Variants in ENOX2 observed in about 807,000 individuals in gnomAD.
The protein encoded by ENOX2 is APK1 antigen.
Under a neutral mutation model 45.0 loss-of-function variants are expected in ENOX2, and 36 were observed. The ratio of observed to expected loss-of-function variants is 0.80; its 90% CI spans 0.61 to 1.06. The LOEUF (loss-of-function observed/expected upper bound fraction) is 1.06, where lower values mean the gene tolerates loss of function less well. ENOX2 is among the 50% of genes least tolerant of loss of function. The pLI is 0.00. For synonymous variants in ENOX2, 174 were observed against 152.3 expected (o/e 1.14, Z -1.05); for missense variants, 423 against 462.5 (o/e 0.91, Z 0.78).
rs1337240069 is a variant in ENOX2, at chrX:130,740,286, A to C, written c.-38-37032T>G. ...CAAGGTGACGCACACCTGTAATCCC[A>C]GCTACTCGGGAGGCTGAGGCACAAG... On this transcript the variant is annotated intron_variant, in intron 3 of 14. Transcript: ENST00000394363. Among the ~76,000 whole-genome samples the C allele has an allele frequency of 2.7e-5, 3 of 110,800 alleles. No individual in the cohort carries two copies. The East Asian group carries it at 8.5e-4, about 31-fold the overall frequency.
At chrX:130,647,228 T>A (rs1279626843) in intron 10 of ENOX2, among the ~76,000 whole-genome samples, 2 of 112,555 alleles carry the variant, frequency 1.8e-5, no homozygotes, top group Non-Finnish European at 3.8e-5. Context: ...AGAGGCAACT[T>A]CTTCTGTTCT....
chrX:130,839,383 G>A (rs1207206035), intron 2 of ENOX2, among the ~76,000 whole-genome samples: 1 of 111,300 alleles, frequency 9.0e-6, no homozygotes, highest in African/African-American at 3.3e-5. Context: ...TATCTCTTCT[G>A]GGTCCAATAA....
intron 10 of ENOX2, among the ~76,000 whole-genome samples, chrX:130,649,409 C>T (rs2036341285): frequency 9.0e-6 from 1 of 110,691 alleles, no homozygotes; most frequent in South Asian, 3.8e-4. Flanking sequence ...AATTCAACTC[C>T]TTGAACATGG....
At chrX:130,688,692 G>A (rs1316007569) in intron 5 of ENOX2, among the ~76,000 whole-genome samples, 171 bp downstream of exon 5, 1 of 111,963 alleles carries the variant, frequency 8.9e-6, no homozygotes, top group East Asian at 2.8e-4. Context: ...ACTGTTGTGT[G>A]CATAAAATTC....
intron 2 of ENOX2, among the ~76,000 whole-genome samples, chrX:130,832,184 G>T (rs2077844795): frequency 9.0e-6 from 1 of 110,837 alleles, no homozygotes; most frequent in African/African-American, 3.3e-5. Flanking sequence ...TGCTTGGACA[G>T]AAAGAGAGAC....
intron 2 of ENOX2, among the ~76,000 whole-genome samples, chrX:130,832,440 T>TACAC (rs61623401): frequency 0.26 from 23,176 of 90,868 alleles, 3,486 homozygotes; most frequent in African/African-American, 0.54. Flanking sequence ...CACACACACA[T>TACAC]ACACACACAC....
At chrX:130,738,854 C>T (rs1413508592) in intron 3 of ENOX2, among the ~76,000 whole-genome samples, 1 of 111,853 alleles carries the variant, frequency 8.9e-6, no homozygotes, top group Non-Finnish European at 1.9e-5. Context: ...CACAAAAGGC[C>T]CCAACTGTGC....
At chrX:130,721,977 T>A (rs2038489657) in intron 3 of ENOX2, among the ~76,000 whole-genome samples, 1 of 112,021 alleles carries the variant, frequency 8.9e-6, no homozygotes, top group South Asian at 3.8e-4. Flanking sequence ...CTAATAATAA[T>A]CTAGATGCGA....
intron 7 of ENOX2, among the ~76,000 whole-genome samples, chrX:130,669,304 C>A (rs1444537419): frequency 8.9e-6 from 1 of 112,280 alleles, no homozygotes; most frequent in Non-Finnish European, 1.9e-5. Context: ...GTTAAATTAA[C>A]AAAATGGCTG....
intron 3 of ENOX2, among the ~76,000 whole-genome samples, chrX:130,733,570 C>T (rs902469141): frequency 1.8e-5 from 2 of 112,286 alleles, no homozygotes; most frequent in African/African-American, 6.5e-5. Flanking sequence ...CCGATGCTCT[C>T]AACAGGTGAA....
At chrX:130,690,488 G>A (rs1199978586) in intron 4 of ENOX2, among the ~76,000 whole-genome samples, 1 of 112,214 alleles carries the variant, frequency 8.9e-6, no homozygotes, top group African/African-American at 3.2e-5. Context: ...TTCTGCCTTC[G>A]CTATAGAACC....
At chrX:130,884,723 T>TGAGAGA (rs369147801) in intron 2 of ENOX2, among the ~76,000 whole-genome samples, 1 of 106,265 alleles carries the variant, frequency 9.4e-6, no homozygotes, top group African/African-American at 3.4e-5. Context: ...TGCTGATCTA[T>TGAGAGA]GAGAGAGAGA....
At position 130,799,689 on chromosome X, in the gene ENOX2, TAAAG is replaced by T. The variant is rs201384724; in HGVS notation, c.-182-16003_-182-16000del. Among the ~76,000 whole-genome samples the T allele has an allele frequency of 9.4e-3, 1,042 of 110,858 alleles. 17 individuals are homozygous for T. The highest frequency in any genetic ancestry group is 0.032 in the African/African-American group (982 of 30,493). ...TGATCTGCCAGCTCTGAATTTAAGA[TAAAG>T]AAAGAAAAGCTTAGATGGAAGACAT... On this transcript the variant is annotated intron_variant, in intron 2 of 14. Transcript: ENST00000394363.
chrX:130,643,660 C>T (rs763499508), intron 10 of ENOX2, among the ~76,000 whole-genome samples: 14 of 111,529 alleles, frequency 1.3e-4, no homozygotes, highest in Admixed American at 1.0e-3. Context: ...TGTTTGTGAG[C>T]CTAATAACAG....
intron 3 of ENOX2, among the ~76,000 whole-genome samples, chrX:130,718,065 T>C (rs1473131747): frequency 1.8e-5 from 2 of 110,724 alleles, no homozygotes; most frequent in East Asian, 5.7e-4. Flanking sequence ...CTCTTCCTCC[T>C]TCTCTCTCTC....
chrX:130,883,643 C>A (rs916328646), intron 2 of ENOX2, among the ~76,000 whole-genome samples: 1 of 111,079 alleles, frequency 9.0e-6, no homozygotes, highest in Non-Finnish European at 1.9e-5. Flanking sequence ...TCTTGGTGAT[C>A]CCCTTAAATA....
intron 2 of ENOX2, among the ~76,000 whole-genome samples, chrX:130,835,829 A>C (rs1362863554): frequency 1.8e-5 from 2 of 112,392 alleles, no homozygotes; most frequent in Non-Finnish European, 3.7e-5. Context: ...ATAAATTACC[A>C]TGAATGTTTT....
chrX:130,802,855 T>C (rs902412525), intron 2 of ENOX2, among the ~76,000 whole-genome samples: 1 of 112,649 alleles, frequency 8.9e-6, no homozygotes, highest in African/African-American at 3.2e-5. Flanking sequence ...AAGAGACTTC[T>C]TTCAAGCAAA....
intron 3 of ENOX2, among the ~76,000 whole-genome samples, chrX:130,720,701 C>CT (rs2038451848): frequency 8.9e-6 from 1 of 112,131 alleles, no homozygotes; most frequent in South Asian, 3.7e-4. Flanking sequence ...CAGATACTGA[C>CT]TGAGCCCCTG....
Sources: gnomAD v4.1 joint callset for allele counts (sites outside exome capture counted in the v4.1 genomes callset) on GRCh38, gnomAD v4.1.1 for gene constraint, MANE v1.5 for transcripts, NCBI Gene and HGNC (gene_info 2026-07-23, HGNC 2026-07-21) for gene names.